Variants in STARD13 observed in about 807,000 individuals in gnomAD.
The protein encoded by STARD13 is StAR related lipid transfer domain containing 13.
A neutral mutation model predicts 106.4 loss-of-function variants in STARD13; 62 were observed. That is an observed-to-expected ratio of 0.58 (90% CI 0.48 to 0.72). STARD13 has a LOEUF of 0.72. STARD13 is among the 30% of genes least tolerant of loss of function. The pLI is 0.00. For missense variants in STARD13, 1,387 were observed against 1,424.0 expected (o/e 0.97, Z 0.42); for synonymous variants, 565 against 553.0 (o/e 1.02, Z -0.31).
rs925328951 is a variant in STARD13, at chr13:33,252,761, A to T, written c.169+32709T>A. Among the ~76,000 whole-genome samples, 4 of 152,240 alleles carry T rather than the reference A, an allele frequency of 2.6e-5. No homozygotes were observed. The South Asian group carries it at 8.3e-4, about 31-fold the overall frequency. On this transcript the variant is annotated intron_variant, in intron 1 of 13. Transcript: ENST00000336934. ...CATCAAATCATTTAGCAAGATTTGT[A>T]TCTGAAAGTACTTTTCCAATAAAAT...
intron 2 of STARD13, among the ~76,000 whole-genome samples, chr13:33,165,657 T>TAA (rs1232916122): frequency 6.6e-6 from 1 of 152,220 alleles, no homozygotes; most frequent in African/African-American, 2.4e-5. Context: ...GATTGAACAC[T>TAA]AAGTGCCTGC....
the STARD13 span, among the ~76,000 whole-genome samples, chr13:33,608,783 A>T: frequency 6.6e-6 from 1 of 152,198 alleles, no homozygotes. Flanking sequence ...TAGAACTAAA[A>T]AAAGGATGAA....
chr13:33,486,100 A>G, the STARD13 span, among the ~76,000 whole-genome samples: 2 of 152,128 alleles, frequency 1.3e-5, no homozygotes, highest in African/African-American at 2.4e-5. Flanking sequence ...ACCTAGAGTG[A>G]CCCTAGGGAA....
At chr13:33,383,996 C>T in the STARD13 span, among the ~76,000 whole-genome samples, 57 of 152,150 alleles carry the variant, frequency 3.7e-4, no homozygotes, top group African/African-American at 1.1e-3. Context: ...TTTAGCCTGA[C>T]CAACCAAGAC....
At chr13:33,214,739 T>C (rs989911548) in intron 1 of STARD13, among the ~76,000 whole-genome samples, 3 of 113,698 alleles carry the variant, frequency 2.6e-5, no homozygotes, top group African/African-American at 1.0e-4. Context: ...CACACACACA[T>C]CCCCTGCAAT....
the STARD13 span, among the ~76,000 whole-genome samples, chr13:33,664,061 C>T: frequency 3.9e-5 from 6 of 152,308 alleles, no homozygotes; most frequent in East Asian, 1.2e-3. Flanking sequence ...AGTGCTTTGT[C>T]TTAGTCCCAT....
the STARD13 span, among the ~76,000 whole-genome samples, chr13:33,559,781 C>T: frequency 4.0e-5 from 6 of 151,338 alleles, no homozygotes; most frequent in East Asian, 3.9e-4. Context: ...CTGTTGAACC[C>T]GGGAGGTGGA....
At chr13:33,157,405 C>T (rs151308363) in intron 3 of STARD13, among the ~76,000 whole-genome samples, 5 of 152,312 alleles carry the variant, frequency 3.3e-5, no homozygotes, top group African/African-American at 9.6e-5. Flanking sequence ...TGGTTGCTCA[C>T]GCCTGTAATC....
intron 4 of STARD13, among the ~76,000 whole-genome samples, chr13:33,136,238 T>C (rs1399435349): frequency 2.0e-5 from 3 of 152,264 alleles, no homozygotes; most frequent in Non-Finnish European, 4.4e-5. Flanking sequence ...TGTTCAGTTA[T>C]GACAGATGAA....
intron 1 of STARD13, among the ~76,000 whole-genome samples, chr13:33,329,659 G>A (rs1047931806): frequency 1.4e-5 from 2 of 144,250 alleles, no homozygotes; most frequent in Admixed American, 6.9e-5. Flanking sequence ...GTGTGTATGT[G>A]TGTGTGTGTG....
At chr13:33,181,824 C>G (rs1268188761) in intron 1 of STARD13, among the ~76,000 whole-genome samples, 6 of 152,150 alleles carry the variant, frequency 3.9e-5, no homozygotes. Context: ...TGCAATCTTT[C>G]CCTTTCTCTC....
chr13:33,582,911 A>G, the STARD13 span, among the ~76,000 whole-genome samples: 2 of 152,212 alleles, frequency 1.3e-5, no homozygotes, highest in African/African-American at 4.8e-5. Flanking sequence ...CACATTTCTC[A>G]TATTGCTTGC....
the STARD13 span, among the ~76,000 whole-genome samples, chr13:33,517,347 A>T: frequency 6.6e-6 from 1 of 152,188 alleles, no homozygotes; most frequent in Non-Finnish European, 1.5e-5. Flanking sequence ...GATAGATGTA[A>T]GAATTTGATG....
At chr13:33,183,475 G>T (rs757178351) in intron 1 of STARD13, among the ~76,000 whole-genome samples, 2 of 152,108 alleles carry the variant, frequency 1.3e-5, no homozygotes, top group African/African-American at 4.8e-5. Context: ...TTTCTCTCTT[G>T]GTCTGATGTA....
intron 3 of STARD13, among the ~76,000 whole-genome samples, chr13:33,147,347 T>A (rs1213207843): frequency 6.6e-6 from 1 of 152,086 alleles, no homozygotes; most frequent in Non-Finnish European, 1.5e-5. Flanking sequence ...TAGCTGACCT[T>A]GATGATCTGC....
At chr13:33,224,181 C>T (rs1318097792) in intron 1 of STARD13, among the ~76,000 whole-genome samples, 4 of 152,118 alleles carry the variant, frequency 2.6e-5, no homozygotes, top group Non-Finnish European at 5.9e-5. Flanking sequence ...AAGAGTAATA[C>T]ACAACTTGAG....
the STARD13 span, among the ~76,000 whole-genome samples, chr13:33,514,822 T>C: frequency 1.3e-5 from 2 of 151,918 alleles, no homozygotes; most frequent in Admixed American, 6.6e-5. Context: ...AGTCTACCAA[T>C]CCAAGTTTTA....
At chr13:33,625,257 G>C in the STARD13 span, among the ~76,000 whole-genome samples, 5 of 152,190 alleles carry the variant, frequency 3.3e-5, no homozygotes, top group South Asian at 1.0e-3. Flanking sequence ...GAACGAGAAG[G>C]GTGACCTTGG....
the STARD13 span, among the ~76,000 whole-genome samples, chr13:33,361,813 A>C: frequency 1.1e-4 from 17 of 152,290 alleles, no homozygotes; most frequent in East Asian, 2.1e-3. Flanking sequence ...CCCATGATTC[A>C]ATCACCTCCT....
Sources: allele counts gnomAD v4.1 joint callset (sites outside exome capture counted in the v4.1 genomes callset), GRCh38; gene constraint gnomAD v4.1.1; transcripts MANE v1.5; gene names NCBI Gene and HGNC (gene_info 2026-07-23, HGNC 2026-07-21).